CORO7: variants seen among roughly 807,000 people sequenced by gnomAD.
CORO7 encodes coronin 7, also known as coronin-7.
A neutral mutation model predicts 126.6 loss-of-function variants in CORO7; 107 were observed. The observed-to-expected ratio is 0.85, with a 90% CI of 0.72 to 0.99. The LOEUF (loss-of-function observed/expected upper bound fraction) is 0.99. Among genes scored for constraint, CORO7 ranks in the 50% least tolerant of loss-of-function variants. The probability of loss-of-function intolerance (pLI) is 0.00; values close to 1 mark genes in which losing one functional copy is unlikely to be tolerated. For synonymous variants in CORO7, 603 were observed against 536.8 expected (o/e 1.12, Z -1.70); for missense variants, 1,314 against 1,255.8 (o/e 1.05, Z -0.70).
intron 26 of CORO7, 96 bp from the exon 27 acceptor site, chr16:4,355,468 C>A: frequency 2.8e-6 from 3 of 1,075,798 alleles, no homozygotes; most frequent in Non-Finnish European, 3.9e-6. Flanking sequence ...GTGAAAAGAA[C>A]TTTTTTTTTT....
intron 6 of CORO7, among the ~76,000 whole-genome samples, chr16:4,397,027 A>AAAAG (rs1448177861): frequency 1.4e-5 from 2 of 145,364 alleles, no homozygotes; most frequent in South Asian, 2.1e-4. Flanking sequence ...AAAAAAAAAA[A>AAAAG]AAAGAAAGAA....
intron 8 of CORO7, among the ~76,000 whole-genome samples, 182 bp from the exon 9 acceptor site, chr16:4,388,250 C>T (rs535334529): frequency 6.6e-6 from 1 of 152,278 alleles, no homozygotes; most frequent in Admixed American, 6.5e-5. Context: ...TGTTCTGCCC[C>T]TTTAAGAACC....
chr16:4,366,362 C>T lies in CORO7; in HGVS notation c.786-817G>A, dbSNP rs564405430. On this transcript the variant is annotated intron_variant, in intron 9 of 27. Coordinates refer to ENST00000251166, the MANE Select transcript of CORO7 (RefSeq NM_024535.5). ...CCTTGGCCAACTGCCTGTCACTGGC[C>T]GGGCTTTATGCCTCCCTCCCGGGGC... Among the ~76,000 whole-genome samples the T allele has an allele frequency of 2.6e-5, 4 of 152,086 alleles. No individual in the cohort carries two copies. In the South Asian group the frequency reaches 6.2e-4, roughly 24 times the overall value.
rs778500912 is a variant in CORO7 at position 4,365,533 on chromosome 16, A to G, written c.798T>C (p.Pro266=). ...TLDTSLGCLV[P]LLDPDSGLLV... is the part of the protein sequence containing the mutation. ...GGAGCCCAGAGTCAGGGTCCAGCAG[A>G]GGCACGAGACACCTGGGGAAGAGAG... Residue 266 remains proline (P), a synonymous_variant, in exon 10 of 28, where the codon CCT becomes CCC. Coordinates refer to ENST00000251166, the MANE Select transcript of CORO7 (RefSeq NM_024535.5). 70 of 1,581,620 alleles carry G rather than the reference A, an allele frequency of 4.4e-5. No homozygotes were observed. The East Asian group carries it at 1.6e-3, about 37-fold the overall frequency.
At chr16:4,366,972 C>A (rs1170040847) in intron 9 of CORO7, among the ~76,000 whole-genome samples, 3 of 152,184 alleles carry the variant, frequency 2.0e-5, no homozygotes, top group Non-Finnish European at 1.5e-5. Flanking sequence ...CTGCCTCTAT[C>A]CCTCACTGCG....
intron 6 of CORO7, among the ~76,000 whole-genome samples, chr16:4,399,050 G>T (rs996479000): frequency 4.0e-5 from 6 of 151,718 alleles, no homozygotes. Context: ...ATTGTAAAAT[G>T]GTGCAACTGC....
intron 23 of CORO7, 128 bp from the exon 24 acceptor site, chr16:4,358,611 C>T (rs1048950593): frequency 7.7e-6 from 6 of 776,196 alleles, no homozygotes; most frequent in Non-Finnish European, 1.2e-5. Flanking sequence ...TGGACAGTAA[C>T]GTGTTGATCA....
At chr16:4,365,662 GC>G in intron 9 of CORO7, 117 bp from the exon 10 acceptor site, 1 of 1,346,450 alleles carries the variant, frequency 7.4e-7, no homozygotes, top group Non-Finnish European at 1.0e-6. Context: ...TGGCCATCCA[GC>G]CATGTTCAGC....
At chr16:4,363,896 G>A (rs1203855952) in intron 14 of CORO7, among the ~76,000 whole-genome samples, 1 of 152,020 alleles carries the variant, frequency 6.6e-6, no homozygotes, top group Non-Finnish European at 1.5e-5. Context: ...GCGGGTGCCT[G>A]TAATCTCACC....
chr16:4,387,955 C>G, intron 9 of CORO7, 31 bp downstream of exon 9: 2 of 1,610,850 alleles, frequency 1.2e-6, no homozygotes, highest in South Asian at 1.1e-5. Context: ...GTCATCAGCC[C>G]CCCAGCCCAC....
At chr16:4,361,323 A>G in intron 17 of CORO7, 38 bp downstream of exon 17, 2 of 1,611,256 alleles carry the variant, frequency 1.2e-6, no homozygotes, top group Non-Finnish European at 1.7e-6. Context: ...TCCGGGACCC[A>G]GGACCCTCCC....
chr16:4,395,989 GCA>G (rs1460017400), intron 6 of CORO7, among the ~76,000 whole-genome samples: 2 of 46,662 alleles, frequency 4.3e-5, no homozygotes, highest in African/African-American at 7.0e-5. Context: ...GTGTGTGCAT[GCA>G]CACGTTGTGT....
At position 4,357,038 on chromosome 16, in the gene CORO7, C is replaced by G; in HGVS notation, c.2685+130G>C. On this transcript the variant is annotated intron_variant, in intron 26 of 27. Coordinates refer to ENST00000251166, the MANE Select transcript of CORO7 (RefSeq NM_024535.5). The stretch of plus-strand genomic sequence containing the variant: ...GGCTCTGGAAGGTCTCCCCACCAGG[C>G]TCTGGTGTGAAGGGGACGTGACATG... 7 of 1,224,218 alleles carry G rather than the reference C, an allele frequency of 5.7e-6. No individual in the cohort carries two copies. In the South Asian group the frequency reaches 9.1e-5, roughly 16 times the overall value. The allele number at this position is 1,224,218 out of a possible 1,614,324, so 75.8% of individuals were successfully genotyped here.
chr16:4,401,411 T>A (rs1173180506), intron 6 of CORO7, among the ~76,000 whole-genome samples: 1 of 152,034 alleles, frequency 6.6e-6, no homozygotes, highest in African/African-American at 2.4e-5. Context: ...AGGGCCCTGG[T>A]TTTATGCCGC....
chr16:4,377,698 G>A (rs917814524), intron 9 of CORO7, among the ~76,000 whole-genome samples: 6 of 152,122 alleles, frequency 3.9e-5, no homozygotes, highest in African/African-American at 1.4e-4. Context: ...AGTCCCTGGC[G>A]GTGCCCTCAG....
Position 4,360,387 on chromosome 16 carries a change from C to G in CORO7, c.2023-24G>C, listed in dbSNP as rs775163087. 51 of 1,613,308 alleles carry G rather than the reference C, an allele frequency of 3.2e-5. 1 individual carries two copies. In the Admixed American group the frequency reaches 8.3e-4, roughly 26 times the overall value. ...TCCTGTTGAGATACATCGCGTGACA[C>G]CCAGCCAGCACCCCTGAACCAGGTC... On this transcript the variant is annotated intron_variant, in intron 20 of 27. Coordinates refer to ENST00000251166, the MANE Select transcript of CORO7 (RefSeq NM_024535.5).
chr16:4,416,440 G>A lies in CORO7; in HGVS notation c.60+19C>T. ...ACGGGGCCCGAGGCGACAGCGCCCG[G>A]TCCTCGGGCCGGACTCACCTCGCGG... is the stretch of plus-strand genomic sequence containing the variant. On this transcript the variant is annotated intron_variant, in intron 1 of 27. Transcript: ENST00000251166. 1 of 1,561,964 alleles carries A rather than the reference G, an allele frequency of 6.4e-7. No homozygotes were observed. Among genetic ancestry groups the A allele is most frequent in the Non-Finnish European group, 8.6e-7 (1 of 1,159,628 alleles).
chr16:4,355,447 C>T (rs2053946862), intron 26 of CORO7, 75 bp from the exon 27 acceptor site: 1 of 1,474,134 alleles, frequency 6.8e-7, no homozygotes, highest in Non-Finnish European at 9.1e-7. Context: ...AAGAACAACC[C>T]TGACAAGGCT....
Position 4,381,052 on chromosome 16 carries a change from G to A in CORO7, c.785+6934C>T, listed in dbSNP as rs774558122. Reference sequence around the variant, plus strand: ...GCCACCCGACACGGTGGGGCTGTACGTCTTTGAGAACGGCATCACCATGCT... The same window carrying A: ...GCCACCCGACACGGTGGGGCTGTACATCTTTGAGAACGGCATCACCATGCT... On this transcript the variant is annotated intron_variant, in intron 9 of 27. Transcript: ENST00000251166. 1.6e-5 allele frequency: 26 copies of A among 1,610,600 alleles called. No homozygotes were observed. The Admixed American group carries it at 2.3e-4, about 15-fold the overall frequency.
Sources: allele counts gnomAD v4.1 joint callset (sites outside exome capture counted in the v4.1 genomes callset), GRCh38; gene constraint gnomAD v4.1.1; transcripts MANE v1.5; gene names NCBI Gene and HGNC (gene_info 2026-07-23, HGNC 2026-07-21).